DIS3L2: variants seen among roughly 807,000 people sequenced by gnomAD.
DIS3L2 encodes DIS3-like exonuclease 2.
DIS3L2 carries 34 observed loss-of-function variants against 97.5 expected under a neutral mutation model. The observed-to-expected ratio is 0.35, with a 90% CI of 0.27 to 0.46. The LOEUF (loss-of-function observed/expected upper bound fraction) is 0.46, where lower values mean the gene tolerates loss of function less well. Ranked by LOEUF, DIS3L2 falls within the 20% of genes least tolerant of loss-of-function variation. The pLI is 1.00. For missense variants in DIS3L2, 1,038 were observed against 1,146.0 expected, an observed-to-expected ratio of 0.91 and a Z score of 1.36; for synonymous variants, 435 against 445.2, an observed-to-expected ratio of 0.98 and a Z score of 0.29.
At chr2:231,962,953 C>T (rs951622862) in intron 1 of DIS3L2, among the ~76,000 whole-genome samples, 3 of 137,542 alleles carry the variant, frequency 2.2e-5, no homozygotes, top group African/African-American at 3.4e-5. Flanking sequence ...CCATCCTGTA[C>T]ATCCACATTT....
chr2:232,198,578 G>A (rs1028965088), intron 9 of DIS3L2: 3 of 152,174 alleles, frequency 2.0e-5, no homozygotes, highest in Non-Finnish European at 4.4e-5. Context: ...AGAGAGCTTC[G>A]GATAGAGAGA....
At chr2:232,086,598 T>TA (rs1696629436) in intron 5 of DIS3L2, among the ~76,000 whole-genome samples, 1 of 116,462 alleles carries the variant, frequency 8.6e-6, no homozygotes, top group Admixed American at 9.3e-5. Context: ...TATATATATA[T>TA]ATATGTGTGT....
chr2:232,004,626 G>C (rs1056259840), intron 1 of DIS3L2, among the ~76,000 whole-genome samples: 1 of 151,282 alleles, frequency 6.6e-6, no homozygotes, highest in African/African-American at 2.4e-5. Flanking sequence ...TGTTGCCCGG[G>C]CAGGAGTGCA....
intron 5 of DIS3L2, among the ~76,000 whole-genome samples, chr2:232,082,584 C>A (rs1696436472): frequency 6.6e-6 from 1 of 152,178 alleles, no homozygotes; most frequent in African/African-American, 2.4e-5. Flanking sequence ...CCCCCTACTT[C>A]TGGTCTGTGG....
At chr2:232,164,204 T>C (rs1367823688) in intron 9 of DIS3L2, among the ~76,000 whole-genome samples, 1 of 152,246 alleles carries the variant, frequency 6.6e-6, no homozygotes, top group Non-Finnish European at 1.5e-5. Context: ...AATGGGCCTC[T>C]TCAGGCACAG....
At chr2:232,309,153 G>T (rs1340468789) in intron 14 of DIS3L2, among the ~76,000 whole-genome samples, 1 of 152,210 alleles carries the variant, frequency 6.6e-6, no homozygotes, top group African/African-American at 2.4e-5. Context: ...TCTTTGAGCA[G>T]CTGAGCCACA....
chr2:231,967,816 A>T (rs1692766243), intron 1 of DIS3L2, among the ~76,000 whole-genome samples: 1 of 152,182 alleles, frequency 6.6e-6, no homozygotes, highest in African/African-American at 2.4e-5. Flanking sequence ...ACAAAAAACA[A>T]TTTTTAATAA....
At chr2:232,111,786 A>T (rs968722226) in intron 6 of DIS3L2, among the ~76,000 whole-genome samples, 1 of 152,164 alleles carries the variant, frequency 6.6e-6, no homozygotes, top group African/African-American at 2.4e-5. Flanking sequence ...TCTGTGGTGT[A>T]AGTAGTTTCC....
chr2:232,264,753 C>T (rs964164537), intron 13 of DIS3L2, among the ~76,000 whole-genome samples: 1 of 152,234 alleles, frequency 6.6e-6, no homozygotes, highest in Non-Finnish European at 1.5e-5. Context: ...CCTTTTGCAA[C>T]AGACTTGCAC....
At chr2:232,131,958 A>AG (rs1331787745) in intron 7 of DIS3L2, 8 of 150,368 alleles carry the variant, frequency 5.3e-5, no homozygotes, top group Non-Finnish European at 1.0e-4. Context: ...AAAAAAAAAA[A>AG]AAAAAAAAAA....
intron 6 of DIS3L2, among the ~76,000 whole-genome samples, chr2:232,091,731 C>T (rs1696842656): frequency 6.6e-6 from 1 of 152,166 alleles, no homozygotes; most frequent in Non-Finnish European, 1.5e-5. Context: ...CCAAACTGTT[C>T]TCCATACTGA....
chr2:232,160,175 T>C (rs958051694), intron 8 of DIS3L2, among the ~76,000 whole-genome samples: 2 of 152,214 alleles, frequency 1.3e-5, no homozygotes, highest in Non-Finnish European at 2.9e-5. Flanking sequence ...TAGAAGAGTT[T>C]ATGTAGAATT....
intron 5 of DIS3L2, among the ~76,000 whole-genome samples, chr2:232,036,902 C>T (rs1045995662): frequency 3.9e-5 from 6 of 152,162 alleles, no homozygotes; most frequent in African/African-American, 1.2e-4. Context: ...GAAGCTTCAT[C>T]CCAGAGAGGC....
rs907040121 is a variant in DIS3L2 at position 232,172,593 on chromosome 2, A to G, written c.1124+8961A>G. ...CTTGACTATTATGAATAATGCTGCT[A>G]TGAATATTTGTGTACAGGTTTTGGT... On this transcript the variant is annotated intron_variant, in intron 9 of 20. Coordinates refer to ENST00000325385, the MANE Select transcript of DIS3L2 (RefSeq NM_152383.5). 1.4e-4 allele frequency: 62 copies of G among 457,584 alleles called. No individual in the cohort carries two copies. The East Asian group carries it at 1.8e-3, about 13-fold the overall frequency. 28.3% of individuals were successfully genotyped at this position (457,584 alleles called of 1,614,324 possible). A position where few individuals can be genotyped will look rare whatever the true frequency, so the allele number is the denominator to read the frequency against.
intron 13 of DIS3L2, among the ~76,000 whole-genome samples, chr2:232,264,565 CTCCT>C (rs913830220): frequency 2.6e-5 from 4 of 152,072 alleles, no homozygotes; most frequent in Non-Finnish European, 5.9e-5. Context: ...CACCCAAACA[CTCCT>C]TCCTTGCTTG....
exon 14 of DIS3L2, chr2:232,343,359 G>C (rs1420882848): frequency 6.4e-7 from 1 of 1,556,672 alleles, no homozygotes; most frequent in Admixed American, 1.9e-5. Context: ...ACGCAGACAA[G>C]GATGGGGCTG....
chr2:232,046,490 T>A (rs796692679), intron 5 of DIS3L2, among the ~76,000 whole-genome samples: 2 of 152,302 alleles, frequency 1.3e-5, no homozygotes, highest in African/African-American at 4.8e-5. Context: ...AGTTTGTCAC[T>A]ATAGAGAAAG....
intron 13 of DIS3L2, among the ~76,000 whole-genome samples, chr2:232,342,855 C>CT (rs1390306069): frequency 6.6e-6 from 1 of 152,226 alleles, no homozygotes. Flanking sequence ...CCAGGAGCAG[C>CT]TGTGCCACCT....
intron 5 of DIS3L2, among the ~76,000 whole-genome samples, chr2:232,036,767 ACAGT>A (rs1384782595): frequency 2.0e-5 from 3 of 152,138 alleles, no homozygotes; most frequent in Admixed American, 6.5e-5. Context: ...TCTTCTTCTA[ACAGT>A]CAGGCCCCTC....
Sources: allele counts gnomAD v4.1 joint callset (sites outside exome capture counted in the v4.1 genomes callset), GRCh38; gene constraint gnomAD v4.1.1; transcripts MANE v1.5; gene names NCBI Gene and HGNC (gene_info 2026-07-23, HGNC 2026-07-21).